SEMA4B: variants seen among roughly 807,000 people sequenced by gnomAD.
The protein encoded by SEMA4B is semaphorin-4B.
A neutral mutation model predicts 88.1 loss-of-function variants in SEMA4B; 55 were observed. That is an observed-to-expected ratio of 0.62 (90% CI 0.50 to 0.78). SEMA4B has a LOEUF of 0.78. Among genes scored for constraint, SEMA4B ranks in the 30% least tolerant of loss-of-function variants. SEMA4B has a pLI of 0.00. For synonymous variants in SEMA4B, 525 were observed against 473.6 expected (o/e 1.11, Z -1.41); for missense variants, 1,062 against 1,111.9 (o/e 0.96, Z 0.64).
At position 90,225,348 on chromosome 15, in the gene SEMA4B, T is replaced by C; in HGVS notation, c.1472T>C (p.Ile491Thr). The stretch of plus-strand genomic sequence containing the variant: ...GTGCACATCATTGAGGAGCTGCAGA[T>C]CTTCTCATCGGGACAGCCCGTGCAG... ...PRVHIIEELQ[I>T]FSSGQPVQNL... Residue 491 changes from isoleucine to threonine, a missense_variant, in exon 11 of 14, where the codon ATC (isoleucine) becomes ACC (threonine). Physicochemically the swap from Ile to Thr is moderately conservative, Grantham distance 89 (BLOSUM62 -1). Transcript: ENST00000411539. The C allele has an allele frequency of 6.4e-7, 1 of 1,557,216 alleles. No homozygotes were observed. The highest frequency in any genetic ancestry group is 8.7e-7 in the Non-Finnish European group (1 of 1,151,232).
At position 90,228,020 on chromosome 15, in the gene SEMA4B, G is replaced by A. The variant is rs1962267538; in HGVS notation, c.1891G>A (p.Ala631Thr). ...LWLRNGAPVN[A>T]SASCHVLPTG... is the part of the protein sequence containing the mutation. ...GCTACGCAACGGGGCCCCCGTCAAT[G>A]CCTCGGCCTCCTGCCACGTGCTACC... The change falls in exon 14 of 14, where the codon GCC becomes ACC. Residue 631 changes from alanine to threonine, a missense_variant. Coordinates refer to ENST00000411539, the MANE Select transcript of SEMA4B (RefSeq NM_198925.4). The A allele has an allele frequency of 6.2e-7, 1 of 1,613,806 alleles. No individual in the cohort carries two copies. Among genetic ancestry groups the A allele is most frequent in the African/African-American group, 1.3e-5 (1 of 74,930 alleles).
At chr15:90,199,784 C>G (rs113789394), upstream of SEMA4B, among the ~76,000 whole-genome samples, 5,007 of 152,024 alleles carry the variant, frequency 0.033, 249 homozygotes, top group African/African-American at 0.11. Context: ...GGAGATTGCA[C>G]CATTGCACTC....
At chr15:90,218,005 G>A (rs887979062) in intron 3 of SEMA4B, 176 bp downstream of exon 3, 66 of 579,238 alleles carry the variant, frequency 1.1e-4, no homozygotes, top group Non-Finnish European at 2.0e-4. Flanking sequence ...ACATCGCTAC[G>A]ACCTTCGACA....
At chr15:90,199,104 C>G (rs1389941040), upstream of SEMA4B, among the ~76,000 whole-genome samples, 1 of 152,140 alleles carries the variant, frequency 6.6e-6, no homozygotes, top group Non-Finnish European at 1.5e-5. Context: ...GAACTCCTGA[C>G]CTCAAGTGAT....
Position 90,217,847 on chromosome 15 carries a change from A to C in SEMA4B, c.384+18A>C. The C allele has an allele frequency of 6.2e-7, 1 of 1,604,526 alleles. No homozygotes were observed. The highest frequency in any genetic ancestry group is 8.5e-7 in the Non-Finnish European group (1 of 1,174,090). ...ACCCACAGGTGAGCCCACACCTGGAAGGGAGCTGAGCTGCAGGAGGGATGG... is the reference window on the plus strand; with the variant it reads ...ACCCACAGGTGAGCCCACACCTGGACGGGAGCTGAGCTGCAGGAGGGATGG... On this transcript the variant is annotated intron_variant, in intron 3 of 13. Coordinates refer to ENST00000411539, the MANE Select transcript of SEMA4B (RefSeq NM_198925.4).
upstream of SEMA4B, among the ~76,000 whole-genome samples, chr15:90,198,734 T>C (rs1396040459): frequency 6.6e-6 from 1 of 151,984 alleles, no homozygotes; most frequent in Non-Finnish European, 1.5e-5. Flanking sequence ...GGAAAAGTAG[T>C]AGAGGATGCA....
At chr15:90,197,072 C>G (rs1193161638), upstream of SEMA4B, among the ~76,000 whole-genome samples, 1 of 152,014 alleles carries the variant, frequency 6.6e-6, no homozygotes, top group Non-Finnish European at 1.5e-5. Context: ...TCTTGGTTCT[C>G]TTATTAGAGA....
In SEMA4B at chr15:90,228,585, C is replaced by T. The variant is rs1235264337; in HGVS notation, c.2456C>T (p.Pro819Leu). The T allele has an allele frequency of 1.2e-6, 2 of 1,613,684 alleles. No homozygotes were observed. The highest frequency in any genetic ancestry group is 1.7e-6 in the Non-Finnish European group (2 of 1,179,882). Residue 819 changes from proline to leucine, a missense_variant, in exon 14 of 14, where the codon CCA (proline) becomes CTA (leucine). Transcript: ENST00000411539. ...SIQDSFVEVS[P>L]VCPRPRVRLG... is the part of the protein sequence containing the mutation. ...CAAGACAGCTTCGTGGAGGTATCCC[C>T]AGTGTGCCCCCGGCCCCGGGTCCGC...
chr15:90,199,170 G>C (rs1335598438), upstream of SEMA4B, among the ~76,000 whole-genome samples: 1 of 152,096 alleles, frequency 6.6e-6, no homozygotes, highest in African/African-American at 2.4e-5. Flanking sequence ...CACCACCCCT[G>C]TCCTGGCTTG....
At chr15:90,219,087 A>AT in intron 3 of SEMA4B, 1 of 152,504 alleles carries the variant, frequency 6.6e-6, no homozygotes, top group Non-Finnish European at 1.5e-5. Flanking sequence ...AGAAGCCTCC[A>AT]TGGGGAAGGA....
Position 90,227,585 on chromosome 15 carries a change from A to G in SEMA4B, c.1717A>G (p.Ser573Gly), listed in dbSNP as rs1962236580. The change falls in exon 13 of 14, where the codon AGC becomes GGC. Residue 573 changes from serine (S) to glycine (G), a missense_variant. Physicochemically the swap from Ser to Gly is moderately conservative, Grantham distance 56. Coordinates refer to ENST00000411539, the MANE Select transcript of SEMA4B (RefSeq NM_198925.4). ...RPWIQDIEGASAKDLCSASSV... is the reference protein window; with the variant it reads ...RPWIQDIEGAGAKDLCSASSV... ...GTGGATCCAGGACATCGAGGGAGCCAGCGCCAAGGACCTTTGCAGCGCGTC... is the reference window on the plus strand; with the variant it reads ...GTGGATCCAGGACATCGAGGGAGCCGGCGCCAAGGACCTTTGCAGCGCGTC... 1.9e-6 allele frequency: 3 copies of G among 1,614,010 alleles called. No homozygotes were observed. Among genetic ancestry groups the G allele is most frequent in the Non-Finnish European group, 2.5e-6 (3 of 1,179,886 alleles).
At chr15:90,225,566 T>C in intron 11 of SEMA4B, 95 bp from the exon 12 acceptor site, 1 of 1,418,812 alleles carries the variant, frequency 7.0e-7, no homozygotes, top group Non-Finnish European at 9.6e-7. Flanking sequence ...ACAGGCCTCT[T>C]GGGGGTGGCT....
rs367922062 is a variant in SEMA4B, at chr15:90,217,416, A to G, written c.158-23A>G. The G allele has an allele frequency of 3.7e-6, 6 of 1,606,088 alleles. No homozygotes were observed. The African/African-American group carries it at 5.3e-5, about 14-fold the overall frequency. On this transcript the variant is annotated intron_variant, in intron 1 of 13. Coordinates refer to ENST00000411539, the MANE Select transcript of SEMA4B (RefSeq NM_198925.4). ...TCCCATGGGAGGGGTGGCCCCAGGT[A>G]ATACCCATCTTCCTCTCCCCAGGCT...
In SEMA4B at chr15:90,201,347, G is replaced by A. The variant is rs1347527840; in HGVS notation, c.-232G>A. ...CCTCCGCCGCTTGCGGGTGAGCTCT[G>A]CCCAAGCCGAGGCTGCGGGGCCGGC... On this transcript the variant is annotated 5_prime_UTR_variant, in exon 1 of 14. Transcript: ENST00000411539. 6 of 1,235,002 alleles carry A rather than the reference G, an allele frequency of 4.9e-6. No individual in the cohort carries two copies. Among genetic ancestry groups the A allele is most frequent in the Non-Finnish European group, 6.1e-6 (6 of 988,104 alleles). The allele number at this position is 1,235,002 out of a possible 1,614,324, so 76.5% of individuals were successfully genotyped here. A position where few individuals can be genotyped will look rare whatever the true frequency, so the allele number is the denominator to read the frequency against.
chr15:90,207,682 A>C (rs1394342393), intron 1 of SEMA4B, among the ~76,000 whole-genome samples: 1 of 152,262 alleles, frequency 6.6e-6, no homozygotes, highest in African/African-American at 2.4e-5. Flanking sequence ...TGAATCGTAC[A>C]AAAGCAGCAA....
intron 3 of SEMA4B, chr15:90,218,070 A>C: frequency 2.1e-6 from 1 of 483,362 alleles, no homozygotes; most frequent in Non-Finnish European, 3.8e-6. Flanking sequence ...GGGGATAATG[A>C]TCCGGTCTCA....
chr15:90,205,057 G>A (rs1960925764), intron 1 of SEMA4B, among the ~76,000 whole-genome samples: 1 of 152,230 alleles, frequency 6.6e-6, no homozygotes, highest in Non-Finnish European at 1.5e-5. Flanking sequence ...TTACAGGCAT[G>A]AGCCACCACA....
At position 90,228,200 on chromosome 15, in the gene SEMA4B, G is replaced by C. The variant is rs377147618; in HGVS notation, c.2071G>C (p.Val691Leu). 6.2e-7 allele frequency: 1 copy of C among 1,610,234 alleles called. No individual in the cohort carries two copies. Among genetic ancestry groups the C allele is most frequent in the South Asian group, 1.1e-5 (1 of 90,380 alleles). Residue 691 changes from valine to leucine, a missense_variant, in exon 14 of 14, where the codon GTC becomes CTC. Transcript: ENST00000411539. ...DQTDEGGSVPVIISTSRVSAP... is the reference protein window; with the variant it reads ...DQTDEGGSVPLIISTSRVSAP... ...AACAGATGAGGGTGGCAGTGTACCC[G>C]TCATTATCAGCACATCGCGTGTGAG... is the stretch of plus-strand genomic sequence containing the variant.
At chr15:90,204,408 C>T (rs989807830) in intron 1 of SEMA4B, among the ~76,000 whole-genome samples, 1 of 152,144 alleles carries the variant, frequency 6.6e-6, no homozygotes, top group Admixed American at 6.5e-5. Flanking sequence ...TCATAGGGAA[C>T]CCTAATTATT....
Sources: allele counts gnomAD v4.1 joint callset (sites outside exome capture counted in the v4.1 genomes callset), GRCh38; gene constraint gnomAD v4.1.1; transcripts MANE v1.5; gene names NCBI Gene and HGNC (gene_info 2026-07-23, HGNC 2026-07-21).